The following MSL2 variants were observed in gnomAD, a reference collection of about 807,000 sequenced individuals.
The protein encoded by MSL2 is MSL complex subunit 2, also known as E3 ubiquitin-protein ligase MSL2.
In MSL2, 2 loss-of-function variants were observed where a neutral mutation model predicts 35.8. That is an observed-to-expected ratio of 0.06 (90% CI 0.02 to 0.18). The LOEUF is 0.18. MSL2 is among the 10% of genes least tolerant of loss of function. The probability of loss-of-function intolerance (pLI) is 1.00; values close to 1 mark genes in which losing one functional copy is unlikely to be tolerated. For missense variants in MSL2, 523 were observed against 706.7 expected (o/e 0.74, Z 2.95); for synonymous variants, 296 against 255.7 (o/e 1.16, Z -1.50).
rs1226195702 is a variant in MSL2, at chr3:136,187,231, T to C, written c.142+7741A>G. 1.4e-4 allele frequency among the ~76,000 whole-genome samples: 22 copies of C among 152,188 alleles called. 1 individual carries two copies. The highest frequency in any genetic ancestry group is 1.4e-3 in the Admixed American group (22 of 15,272). Reference sequence around the variant, plus strand: ...CCCAACTACGACAAAGATAACACAATACATTTCAAATTAAAATGTTATGAT... The same window carrying C: ...CCCAACTACGACAAAGATAACACAACACATTTCAAATTAAAATGTTATGAT... On this transcript the variant is annotated intron_variant, in intron 1 of 1. Transcript: ENST00000309993.
At chr3:136,153,660 C>T (rs1275238385) in intron 1 of MSL2, among the ~76,000 whole-genome samples, 1 of 151,638 alleles carries the variant, frequency 6.6e-6, no homozygotes, top group Non-Finnish European at 1.5e-5. Flanking sequence ...CATGGTGGTA[C>T]GCACCTGTAG....
rs1490949283 is a variant in MSL2, at chr3:136,151,169, A to ATAG, written c.1709_1711dup (p.Ala570_Ile571insThr). The ATAG allele has an allele frequency of 2.5e-6, 4 of 1,613,904 alleles. No individual in the cohort carries two copies. The South Asian group carries it at 3.3e-5, about 13-fold the overall frequency. ...GATTTAACAGTCGAATCTCATGTCT[A>ATAG]TAGCTTCATCCAAACTTTTATCATC... On this transcript the variant is annotated inframe_insertion, in exon 2 of 2. Transcript: ENST00000309993. The surrounding 1 kb of genome is among the most constrained non-coding windows in gnomAD (Gnocchi z 5.2).
intron 1 of MSL2, among the ~76,000 whole-genome samples, chr3:136,178,507 A>G (rs1013684165): frequency 2.6e-5 from 4 of 151,388 alleles, no homozygotes; most frequent in African/African-American, 9.7e-5. Context: ...AAAACTTAAG[A>G]CAGCACTGCT....
intron 1 of MSL2, among the ~76,000 whole-genome samples, chr3:136,194,243 T>C (rs1020303692): frequency 2.6e-5 from 4 of 152,210 alleles, no homozygotes; most frequent in African/African-American, 9.6e-5. Context: ...ATATTTTCCT[T>C]AGACAATTTA....
intron 1 of MSL2, among the ~76,000 whole-genome samples, chr3:136,176,271 T>C (rs1227656447): frequency 6.6e-6 from 1 of 152,050 alleles, no homozygotes; most frequent in Non-Finnish European, 1.5e-5. Flanking sequence ...CCCAGCACTA[T>C]GGGAAGCCAC....
intron 1 of MSL2, among the ~76,000 whole-genome samples, chr3:136,177,975 G>C (rs1050769934): frequency 1.3e-5 from 2 of 152,046 alleles, no homozygotes; most frequent in Admixed American, 1.3e-4. Context: ...TCATCTTTGG[G>C]TAAGTCAGTA....
In MSL2 at chr3:136,151,267, G is replaced by A. The variant is rs138536154; in HGVS notation, c.1614C>T (p.Asn538=). 625 of 1,614,216 alleles carry A rather than the reference G, an allele frequency of 3.9e-4. 1 individual carries two copies. Among genetic ancestry groups the A allele is most frequent in the Middle Eastern group, 6.6e-4 (4 of 6,062 alleles). ...GINVTSIAVR[N]ASTSTSVINV... is the part of the protein sequence containing the mutation. ...TTATTACACTGGTGCTGGTACTAGC[G>A]TTACGCACAGCAATGCTAGTCACGT... Residue 538 remains asparagine, a synonymous_variant, in exon 2 of 2, where the codon AAC becomes AAT. Transcript: ENST00000309993. This position sits in a 1 kb window ranked among gnomAD's most constrained non-coding sequence, Gnocchi z 5.2.
intron 1 of MSL2, among the ~76,000 whole-genome samples, chr3:136,162,771 A>G (rs1939744189): frequency 6.6e-6 from 1 of 152,232 alleles, no homozygotes; most frequent in South Asian, 2.1e-4. Context: ...CCATAATTTT[A>G]TATCAAATTG....
Position 136,151,876 on chromosome 3 carries a change from T to C in MSL2, c.1005A>G (p.Ile335Met). The C allele has an allele frequency of 1.9e-6, 3 of 1,614,212 alleles. No homozygotes were observed. Among genetic ancestry groups the C allele is most frequent in the East Asian group, 2.2e-5 (1 of 44,888 alleles). The change falls in exon 2 of 2, where the codon ATA (isoleucine) becomes ATG (methionine). Residue 335 changes from isoleucine (I) to methionine (M), a missense_variant. Physicochemically the swap from Ile to Met is conservative, Grantham distance 10. Transcript: ENST00000309993. This position sits in a 1 kb window ranked among gnomAD's most constrained non-coding sequence, Gnocchi z 5.2. ...TGGATCGTTTTCTATTCAATTTTGC[T>C]ATCTTCGGAGTTGCTGCTGTACATG... is the stretch of plus-strand genomic sequence containing the variant. ...GLSCTAATPK[I>M]AKLNRKRSRS... is the part of the protein sequence containing the mutation.
chr3:136,191,336 G>C (rs532611966), intron 1 of MSL2, among the ~76,000 whole-genome samples: 1 of 152,104 alleles, frequency 6.6e-6, no homozygotes, highest in East Asian at 1.9e-4. Flanking sequence ...GTGTGGTGGC[G>C]TGAGTCTGTA....
At chr3:136,171,704 T>C (rs565318891) in intron 1 of MSL2, among the ~76,000 whole-genome samples, 3 of 152,314 alleles carry the variant, frequency 2.0e-5, no homozygotes, top group African/African-American at 7.2e-5. Flanking sequence ...CTCAGTTTCT[T>C]AAAGCTATTA....
Position 136,157,816 on chromosome 3 carries a change from A to C in MSL2, c.143-5078T>G, listed in dbSNP as rs1168232177. On this transcript the variant is annotated intron_variant, in intron 1 of 1. Coordinates refer to ENST00000309993, the MANE Select transcript of MSL2 (RefSeq NM_018133.4). ...CACTGGAGAAAAAGTTTTAAAACTG[A>C]ATAGACCTGTAATAAAAGTTTTAAA... Among the ~76,000 whole-genome samples the C allele has an allele frequency of 2.0e-5, 3 of 152,168 alleles. No individual in the cohort carries two copies. The East Asian group carries it at 5.8e-4, about 29-fold the overall frequency.
chr3:136,171,125 A>AT (rs768590637), intron 1 of MSL2, among the ~76,000 whole-genome samples: 1 of 152,230 alleles, frequency 6.6e-6, no homozygotes, highest in South Asian at 2.1e-4. Context: ...ACATGAGAAA[A>AT]TGAGACATGT....
chr3:136,157,758 T>G (rs1275762558), intron 1 of MSL2, among the ~76,000 whole-genome samples: 3 of 152,214 alleles, frequency 2.0e-5, no homozygotes, highest in Non-Finnish European at 4.4e-5. Flanking sequence ...ATGAAATGGA[T>G]ACATTTCTCT....
intron 1 of MSL2, among the ~76,000 whole-genome samples, chr3:136,161,055 C>A (rs1381235854): frequency 6.6e-6 from 1 of 152,144 alleles, no homozygotes; most frequent in Non-Finnish European, 1.5e-5. Flanking sequence ...CCACTGCACT[C>A]CAGCCTGACG....
intron 1 of MSL2, among the ~76,000 whole-genome samples, chr3:136,180,784 G>A (rs192188252): frequency 9.5e-4 from 54 of 56,686 alleles, no homozygotes; most frequent in Non-Finnish European, 9.3e-4. Context: ...GAGGGAGGGA[G>A]GGAGGGAGGG....
intron 1 of MSL2, among the ~76,000 whole-genome samples, chr3:136,165,963 T>C (rs1939835072): frequency 6.7e-6 from 1 of 150,324 alleles, no homozygotes; most frequent in Non-Finnish European, 1.5e-5. Flanking sequence ...TGATTATGCA[T>C]TGAGTGCCTG....
intron 1 of MSL2, among the ~76,000 whole-genome samples, chr3:136,190,109 C>G (rs1940643472): frequency 6.6e-6 from 1 of 152,012 alleles, no homozygotes; most frequent in African/African-American, 2.4e-5. Flanking sequence ...ATTTTTCTAT[C>G]GTGACACATG....
At chr3:136,157,995 G>A (rs1939581527) in intron 1 of MSL2, among the ~76,000 whole-genome samples, 1 of 152,104 alleles carries the variant, frequency 6.6e-6, no homozygotes, top group African/African-American at 2.4e-5. Flanking sequence ...TACTATGAAA[G>A]AAAACAAGGC....
Sources: gnomAD v4.1 joint callset for allele counts (sites outside exome capture counted in the v4.1 genomes callset) on GRCh38, gnomAD v4.1.1 for gene constraint, Gnocchi (gnomAD v3.1) non-coding constraint, MANE v1.5 for transcripts, NCBI Gene and HGNC (gene_info 2026-07-23, HGNC 2026-07-21) for gene names.